The following SULF1 variants were observed in gnomAD, a reference collection of about 807,000 sequenced individuals.
SULF1 encodes extracellular sulfatase Sulf-1.
Under a neutral mutation model 110.5 loss-of-function variants are expected in SULF1, and 46 were observed. That is an observed-to-expected ratio of 0.42 (90% CI 0.33 to 0.53). The LOEUF (loss-of-function observed/expected upper bound fraction) is 0.53, where lower values mean the gene tolerates loss of function less well. Ranked by LOEUF, SULF1 falls within the 20% of genes least tolerant of loss-of-function variation. The pLI is 0.12. For synonymous variants in SULF1, 371 were observed against 387.1 expected, an observed-to-expected ratio of 0.96 and a Z score of 0.49; for missense variants, 941 against 1,094.2, an observed-to-expected ratio of 0.86 and a Z score of 1.98.
Position 69,573,892 on chromosome 8 carries a change from T to C in SULF1, c.173-2078T>C, listed in dbSNP as rs1805417249. Among the ~76,000 whole-genome samples the C allele has an allele frequency of 1.3e-5, 2 of 152,250 alleles. 1 individual carries two copies. Among genetic ancestry groups the C allele is most frequent in the South Asian group, 4.1e-4 (2 of 4,830 alleles). On this transcript the variant is annotated intron_variant, in intron 5 of 22. Coordinates refer to ENST00000402687, the MANE Select transcript of SULF1 (RefSeq NM_001128205.2). ...CCAGTTTTCTTCTCACGGTGAAAAC[T>C]TCAAGGTGTTAGCCAACTCCCAGCC...
chr8:69,536,211 A>G (rs1040328585), intron 3 of SULF1, among the ~76,000 whole-genome samples: 3 of 152,070 alleles, frequency 2.0e-5, no homozygotes, highest in East Asian at 1.9e-4. Flanking sequence ...AATACCACCC[A>G]TTGTCTGTTT....
At chr8:69,642,244 C>G (rs963823403) in intron 22 of SULF1, 19 of 986,270 alleles carry the variant, frequency 1.9e-5, no homozygotes, top group Non-Finnish European at 2.2e-5. Context: ...TTCCTGGTAC[C>G]CTGTTCGGCC....
chr8:69,498,079 C>G (rs925812096), intron 2 of SULF1, among the ~76,000 whole-genome samples: 3 of 151,172 alleles, frequency 2.0e-5, no homozygotes, highest in Admixed American at 1.3e-4. Flanking sequence ...AACTGAGACT[C>G]ATGAGTGCTC....
At chr8:69,495,134 A>C (rs1313611523) in intron 1 of SULF1, among the ~76,000 whole-genome samples, 4 of 152,196 alleles carry the variant, frequency 2.6e-5, no homozygotes, top group Non-Finnish European at 5.9e-5. Flanking sequence ...TTATGAAGAA[A>C]ATTGAGTTAG....
At chr8:69,575,360 T>A (rs1270877869) in intron 5 of SULF1, among the ~76,000 whole-genome samples, 1 of 152,118 alleles carries the variant, frequency 6.6e-6, no homozygotes, top group Non-Finnish European at 1.5e-5. Context: ...CATAAATAGG[T>A]CAAAATATAA....
intron 1 of SULF1, among the ~76,000 whole-genome samples, chr8:69,475,390 A>G (rs1339003528): frequency 6.7e-6 from 1 of 149,704 alleles, no homozygotes; most frequent in African/African-American, 2.5e-5. Flanking sequence ...TAACAAGACA[A>G]TTGATCCCCA....
intron 13 of SULF1, among the ~76,000 whole-genome samples, chr8:69,612,219 T>C (rs1808716100): frequency 6.6e-6 from 1 of 152,198 alleles, no homozygotes; most frequent in South Asian, 2.1e-4. Flanking sequence ...CCATGGTGTA[T>C]ATATACCACA....
At chr8:69,478,234 C>T (rs1352505175) in intron 1 of SULF1, among the ~76,000 whole-genome samples, 1 of 152,158 alleles carries the variant, frequency 6.6e-6, no homozygotes, top group Non-Finnish European at 1.5e-5. Context: ...CCTCGTGCAT[C>T]TGAAATAAGC....
rs1815404684 is a variant in SULF1, at chr8:69,560,453, A to G, written c.-133-3086A>G. Among the ~76,000 whole-genome samples the G allele has an allele frequency of 2.0e-5, 3 of 152,164 alleles. No individual in the cohort carries two copies. The East Asian group carries it at 5.8e-4, about 29-fold the overall frequency. ...TCTTGTAAACTTTCCACACCAATTG[A>G]CCATAACTACAACTGCTGTTTTCAT... On this transcript the variant is annotated intron_variant, in intron 3 of 22. Coordinates refer to ENST00000402687, the MANE Select transcript of SULF1 (RefSeq NM_001128205.2).
At chr8:69,627,354 G>A (rs1441689046) in intron 16 of SULF1, 48 bp downstream of exon 16, 2 of 1,454,520 alleles carry the variant, frequency 1.4e-6, no homozygotes, top group East Asian at 2.3e-5. Context: ...ACTCAAACTC[G>A]GCCTGCCAGC....
In SULF1 at chr8:69,651,051, C is replaced by CTTTTTTTTTTTTTTTTTTTTTT. The variant is rs111556401; in HGVS notation, c.2586-7450_2586-7449insTTTTTTTTTTTTTTTTTTTTTT. On this transcript the variant is annotated intron_variant, in intron 22 of 22. Coordinates refer to ENST00000402687, the MANE Select transcript of SULF1 (RefSeq NM_001128205.2). ...TCTATCAACATCTATTCTTTTTTTTCTTTTCTTTTTTTTTTTTTTTGAGAC... is the reference window on the plus strand; with the variant it reads ...TCTATCAACATCTATTCTTTTTTTTCTTTTTTTTTTTTTTTTTTTTTTTTTTCTTTTTTTTTTTTTTTGAGAC... Among the ~76,000 whole-genome samples, 7 of 134,164 alleles carry CTTTTTTTTTTTTTTTTTTTTTT rather than the reference C, an allele frequency of 5.2e-5. 2 individuals carry two copies. The allele number at this position is 134,164 out of a possible 152,430, so 88.0% of individuals were successfully genotyped here.
In SULF1 at chr8:69,565,023, G is replaced by A. The variant is rs532502791; in HGVS notation, c.172+876G>A. ...GCAGAGCATGCTGGGCTTCTTTACC[G>A]AGCTCCTGAGGCTCAGGTTCTTGAG... On this transcript the variant is annotated intron_variant, in intron 5 of 22. Transcript: ENST00000402687. 5.3e-5 allele frequency among the ~76,000 whole-genome samples: 8 copies of A among 152,276 alleles called. No homozygotes were observed. In the East Asian group the frequency reaches 7.7e-4, roughly 15 times the overall value.
At chr8:69,499,225 G>A (rs913342445) in intron 2 of SULF1, among the ~76,000 whole-genome samples, 2 of 152,062 alleles carry the variant, frequency 1.3e-5, no homozygotes, top group African/African-American at 4.8e-5. Context: ...TGTATAAGTT[G>A]TTTTATGTTT....
intron 5 of SULF1, among the ~76,000 whole-genome samples, chr8:69,567,521 C>T (rs1815977603): frequency 6.6e-6 from 1 of 152,168 alleles, no homozygotes; most frequent in South Asian, 2.1e-4. Context: ...TGGCAACTAT[C>T]ATTCTACTTT....
intron 1 of SULF1, among the ~76,000 whole-genome samples, chr8:69,474,503 CA>C (rs1809222063): frequency 6.6e-6 from 1 of 152,176 alleles, no homozygotes; most frequent in Non-Finnish European, 1.5e-5. Context: ...TTTTAACTTT[CA>C]TCTTATAAAA....
At chr8:69,499,534 C>T (rs978046591) in intron 2 of SULF1, among the ~76,000 whole-genome samples, 1 of 152,198 alleles carries the variant, frequency 6.6e-6, no homozygotes, top group Non-Finnish European at 1.5e-5. Context: ...TCCAGGCAAT[C>T]AGTCCTCTGG....
At chr8:69,644,788 G>A (rs1811763715) in intron 22 of SULF1, among the ~76,000 whole-genome samples, 1 of 149,306 alleles carries the variant, frequency 6.7e-6, no homozygotes, top group South Asian at 2.1e-4. Flanking sequence ...AAAGAATTGA[G>A]CACTCAAGTC....
chr8:69,512,652 A>G (rs1443885492), intron 3 of SULF1, among the ~76,000 whole-genome samples: 4 of 152,172 alleles, frequency 2.6e-5, no homozygotes, highest in Non-Finnish European at 5.9e-5. Context: ...TGGAGAGCGT[A>G]TAACCGAGAA....
chr8:69,595,880 C>T (rs1807273963), intron 8 of SULF1, among the ~76,000 whole-genome samples: 1 of 152,208 alleles, frequency 6.6e-6, no homozygotes, highest in Admixed American at 6.5e-5. Context: ...ACATGCATCT[C>T]TTGAAACTCT....
Sources: gnomAD v4.1 joint callset for allele counts (sites outside exome capture counted in the v4.1 genomes callset) on GRCh38, gnomAD v4.1.1 for gene constraint, MANE v1.5 for transcripts, NCBI Gene and HGNC (gene_info 2026-07-23, HGNC 2026-07-21) for gene names.